ABCC1: variants seen among roughly 807,000 people sequenced by gnomAD.
ABCC1 encodes ATP binding cassette subfamily C member 1 (ABCC1 blood group).
In ABCC1, 83 loss-of-function variants were observed where a neutral mutation model predicts 172.9. The observed-to-expected ratio is 0.48, with a 90% CI of 0.40 to 0.58. ABCC1 has a LOEUF of 0.58. Ranked by LOEUF, ABCC1 falls within the 20% of genes least tolerant of loss-of-function variation. ABCC1 has a pLI of 0.00. For missense variants in ABCC1, 1,817 were observed against 2,002.7 expected (o/e 0.91, Z 1.77); for synonymous variants, 937 against 825.2 (o/e 1.14, Z -2.32).
intron 12 of ABCC1, among the ~76,000 whole-genome samples, chr16:16,062,803 G>A (rs2049971498): frequency 6.6e-6 from 1 of 152,202 alleles, no homozygotes; most frequent in African/African-American, 2.4e-5. Context: ...AGAGGCCGGG[G>A]AAGGCCAGGG....
At chr16:16,040,042 G>A (rs1349614241) in intron 7 of ABCC1, among the ~76,000 whole-genome samples, 1 of 150,644 alleles carries the variant, frequency 6.6e-6, no homozygotes, top group South Asian at 2.1e-4. Flanking sequence ...TGTGACGTGA[G>A]TTCTGTTGTT....
chr16:16,015,327 A>C (rs2047954995), intron 4 of ABCC1, among the ~76,000 whole-genome samples: 1 of 151,744 alleles, frequency 6.6e-6, no homozygotes. Flanking sequence ...TTTAGTAGAG[A>C]CGGGGTTTCA....
At chr16:16,016,788 C>A (rs1371031063) in intron 5 of ABCC1, among the ~76,000 whole-genome samples, 167 bp downstream of exon 5, 2 of 152,180 alleles carry the variant, frequency 1.3e-5, no homozygotes, top group Non-Finnish European at 2.9e-5. Context: ...AAAACTGAGG[C>A]TTAGATGTGG....
chr16:16,010,435 A>T (rs997462736), intron 3 of ABCC1, among the ~76,000 whole-genome samples: 1 of 152,134 alleles, frequency 6.6e-6, no homozygotes, highest in Non-Finnish European at 1.5e-5. Flanking sequence ...TGAGTGGCAG[A>T]TGCCCCCTTT....
At chr16:16,121,620 GGGA>G (rs1421359313) in intron 23 of ABCC1, among the ~76,000 whole-genome samples, 1 of 152,168 alleles carries the variant, frequency 6.6e-6, no homozygotes, top group Non-Finnish European at 1.5e-5. Flanking sequence ...TGTGACCTTG[GGGA>G]GGAGATTAAC....
At position 15,969,529 on chromosome 16, in the gene ABCC1, C is replaced by G. The variant is rs138855697; in HGVS notation, c.48+19730C>G. 2.6e-5 allele frequency among the ~76,000 whole-genome samples: 4 copies of G among 152,150 alleles called. No homozygotes were observed. The South Asian group carries it at 8.3e-4, about 32-fold the overall frequency. ...CTGGGATTACAGGCATGTGCCACCA[C>G]GCCCGGCTACTTTTTGTATTTTTAG... is the stretch of plus-strand genomic sequence containing the variant. On this transcript the variant is annotated intron_variant, in intron 1 of 30. Transcript: ENST00000399410.
chr16:15,966,652 T>TC lies in ABCC1; in HGVS notation c.48+16853_48+16854insC, dbSNP rs146285247. On this transcript the variant is annotated intron_variant, in intron 1 of 30. Coordinates refer to ENST00000399410, the MANE Select transcript of ABCC1 (RefSeq NM_004996.4). ...ATTGTAGTTTGCTTTTCTCTCTCTC[T>TC]TTTTTTTTTTTTTTTAGAGACAGAG... is the stretch of plus-strand genomic sequence containing the variant. Among the ~76,000 whole-genome samples the TC allele has an allele frequency of 9.0e-3, 224 of 25,000 alleles. 1 individual carries two copies. The highest frequency in any genetic ancestry group is 0.032 in the South Asian group (14 of 444). 16.4% of individuals were successfully genotyped at this position (25,000 alleles called of 152,430 possible).
chr16:15,981,224 A>G (rs1319648257), intron 1 of ABCC1, among the ~76,000 whole-genome samples: 6 of 152,194 alleles, frequency 3.9e-5, no homozygotes, highest in Non-Finnish European at 7.3e-5. Flanking sequence ...CAAGCTGTCC[A>G]TGGATCTACC....
At chr16:16,071,946 A>C (rs943451325) in intron 14 of ABCC1, among the ~76,000 whole-genome samples, 1 of 152,154 alleles carries the variant, frequency 6.6e-6, no homozygotes, top group African/African-American at 2.4e-5. Context: ...ACTTCCCAGG[A>C]GGGTGAACTT....
At chr16:16,090,616 C>T (rs199556864) in intron 19 of ABCC1, 28 bp downstream of exon 19, 46 of 1,535,552 alleles carry the variant, frequency 3.0e-5, no homozygotes, top group Non-Finnish European at 4.0e-5. Context: ...GTTCCACCCA[C>T]TCAGGGTGTC....
At chr16:15,963,224 G>C (rs192435474) in intron 1 of ABCC1, among the ~76,000 whole-genome samples, 262 of 152,382 alleles carry the variant, frequency 1.7e-3, no homozygotes, top group Non-Finnish European at 2.7e-3. Flanking sequence ...GTTGCAAGAG[G>C]TGGGCTTCCA....
chr16:16,099,550 A>C (rs2051633296), intron 19 of ABCC1, among the ~76,000 whole-genome samples: 1 of 152,234 alleles, frequency 6.6e-6, no homozygotes, highest in Non-Finnish European at 1.5e-5. Context: ...CATGAATCAA[A>C]GGCAGAACTG....
intron 1 of ABCC1, among the ~76,000 whole-genome samples, chr16:15,973,455 T>C: frequency 6.6e-6 from 1 of 152,074 alleles, no homozygotes; most frequent in Non-Finnish European, 1.5e-5. Flanking sequence ...AAAAATCCTC[T>C]GGTCCCAAAT....
intron 10 of ABCC1, among the ~76,000 whole-genome samples, chr16:16,051,026 G>C (rs751140181): frequency 1.3e-5 from 2 of 152,158 alleles, no homozygotes; most frequent in African/African-American, 2.4e-5. Context: ...ACTGCCTTCA[G>C]GATTGGTTTA....
chr16:15,967,765 A>AC (rs199974668), intron 1 of ABCC1, among the ~76,000 whole-genome samples: 23,231 of 150,394 alleles, frequency 0.15, 2,045 homozygotes, highest in Non-Finnish European at 0.19. Context: ...CTCCAAAAAA[A>AC]AAAAAAACAA....
intron 1 of ABCC1, among the ~76,000 whole-genome samples, chr16:15,990,429 C>T (rs2046833827): frequency 6.6e-6 from 1 of 152,148 alleles, no homozygotes; most frequent in Non-Finnish European, 1.5e-5. Flanking sequence ...CTGACTGACT[C>T]ATCTTGTATG....
At chr16:16,001,534 G>A (rs553007519) in intron 1 of ABCC1, among the ~76,000 whole-genome samples, 187 of 152,238 alleles carry the variant, frequency 1.2e-3, no homozygotes, top group African/African-American at 4.2e-3. Context: ...GGGAGCCATG[G>A]GAAGTTGTTT....
intron 7 of ABCC1, among the ~76,000 whole-genome samples, chr16:16,040,011 A>G (rs2048911662): frequency 6.6e-6 from 1 of 152,004 alleles, no homozygotes; most frequent in Non-Finnish European, 1.5e-5. Context: ...ACACAGGCGC[A>G]GGTTTTCTGC....
Position 15,989,500 on chromosome 16 carries a change from G to A in ABCC1, c.49-18316G>A, listed in dbSNP as rs1221352831. Among the ~76,000 whole-genome samples the A allele has an allele frequency of 3.9e-5, 6 of 152,284 alleles. 1 individual carries two copies. Among genetic ancestry groups the A allele is most frequent in the Non-Finnish European group, 1.5e-5 (1 of 68,022 alleles). On this transcript the variant is annotated intron_variant, in intron 1 of 30. Transcript: ENST00000399410. ...ATTAATGTTCAGAAGCCCAGCGGGT[G>A]CCCTGACCTAACCACGGGCCTCTTG...
Sources: allele counts gnomAD v4.1 joint callset (sites outside exome capture counted in the v4.1 genomes callset), GRCh38; gene constraint gnomAD v4.1.1; transcripts MANE v1.5; gene names NCBI Gene and HGNC (gene_info 2026-07-23, HGNC 2026-07-21).